Variants in PBX3 observed in about 807,000 individuals in gnomAD.
The protein encoded by PBX3 is PBX homeobox 3, also known as pre-B-cell leukemia transcription factor 3.
Under a neutral mutation model 48.5 loss-of-function variants are expected in PBX3, and 14 were observed. The ratio of observed to expected loss-of-function variants is 0.29; its 90% CI spans 0.19 to 0.45. The LOEUF (loss-of-function observed/expected upper bound fraction) is 0.45. Ranked by LOEUF, PBX3 falls within the 20% of genes least tolerant of loss-of-function variation. The pLI, the probability that PBX3 is intolerant of heterozygous loss-of-function variation, is 1.00. For synonymous variants in PBX3, 210 were observed against 200.3 expected, an observed-to-expected ratio of 1.05 and a Z score of -0.41; for missense variants, 386 against 546.7, an observed-to-expected ratio of 0.71 and a Z score of 2.93.
At chr9:125,905,123 A>G (rs2132435038) in intron 2 of PBX3, among the ~76,000 whole-genome samples, 1 of 152,118 alleles carries the variant, frequency 6.6e-6, no homozygotes, top group Admixed American at 6.6e-5. Flanking sequence ...TCTTTTCATA[A>G]CTAAGCAACA....
intron 5 of PBX3, among the ~76,000 whole-genome samples, chr9:125,955,429 A>G (rs976314894): frequency 1.3e-5 from 2 of 152,184 alleles, no homozygotes; most frequent in South Asian, 2.1e-4. Context: ...TTTTCTGTAG[A>G]ATAGGTTTCT....
chr9:125,896,886 C>A (rs550492320), intron 2 of PBX3, among the ~76,000 whole-genome samples: 2 of 151,950 alleles, frequency 1.3e-5, no homozygotes, highest in African/African-American at 4.8e-5. Flanking sequence ...ATATCCCCAG[C>A]TATAATTAAA....
intron 2 of PBX3, among the ~76,000 whole-genome samples, chr9:125,810,129 A>G (rs546445302): frequency 6.6e-6 from 1 of 152,174 alleles, no homozygotes; most frequent in African/African-American, 2.4e-5. Flanking sequence ...CATCTCAAAC[A>G]TCTATTAGCT....
At chr9:125,795,416 C>T (rs1416310301) in intron 2 of PBX3, among the ~76,000 whole-genome samples, 1 of 152,110 alleles carries the variant, frequency 6.6e-6, no homozygotes, top group Non-Finnish European at 1.5e-5. Context: ...AGAGGTTCTA[C>T]CAATTCTTTT....
chr9:125,902,925 T>G (rs1588279472), intron 2 of PBX3, among the ~76,000 whole-genome samples: 1 of 151,908 alleles, frequency 6.6e-6, no homozygotes, highest in South Asian at 2.1e-4. Context: ...TAAATTATGC[T>G]TTTTATTATT....
intron 2 of PBX3, among the ~76,000 whole-genome samples, chr9:125,897,190 T>G (rs1290830491): frequency 1.4e-5 from 2 of 142,690 alleles, no homozygotes; most frequent in African/African-American, 5.1e-5. Context: ...TTCATTCGCA[T>G]TAGAATTTTT....
At chr9:125,831,840 A>T (rs978426267) in intron 2 of PBX3, among the ~76,000 whole-genome samples, 2 of 152,058 alleles carry the variant, frequency 1.3e-5, no homozygotes, top group South Asian at 2.1e-4. Context: ...TTAGCTTCTT[A>T]CTTTCTGGCC....
At chr9:125,933,167 C>T (rs1841757603) in intron 4 of PBX3, among the ~76,000 whole-genome samples, 1 of 152,248 alleles carries the variant, frequency 6.6e-6, no homozygotes, top group African/African-American at 2.4e-5. Flanking sequence ...TCCCAGCAAG[C>T]CCTCTGCACT....
At chr9:125,775,728 C>G (rs189470939) in intron 2 of PBX3, among the ~76,000 whole-genome samples, 14 of 152,164 alleles carry the variant, frequency 9.2e-5, no homozygotes, top group African/African-American at 3.4e-4. Flanking sequence ...AGTTGAGGCC[C>G]CTTGCAATTC....
rs528701124 is a variant in PBX3 at position 125,933,813 on chromosome 9, A to G, written c.708-1659A>G. On this transcript the variant is annotated intron_variant, in intron 4 of 8. Transcript: ENST00000373489. ...AGCAGGTAATTACTGTGTGGTCTCA[A>G]TAAATAATGTCTATGGGCCAGATAA... is the stretch of plus-strand genomic sequence containing the variant. 3.3e-5 allele frequency among the ~76,000 whole-genome samples: 5 copies of G among 152,332 alleles called. No homozygotes were observed. The East Asian group carries it at 9.6e-4, about 29-fold the overall frequency.
At chr9:125,767,255 G>A (rs1482610732) in intron 2 of PBX3, among the ~76,000 whole-genome samples, 3 of 152,184 alleles carry the variant, frequency 2.0e-5, no homozygotes, top group Admixed American at 6.5e-5. Flanking sequence ...TAAGTGGTGA[G>A]TTAGGCTGAT....
chr9:125,920,176 G>A (rs1841427022), intron 3 of PBX3, among the ~76,000 whole-genome samples: 1 of 152,122 alleles, frequency 6.6e-6, no homozygotes, highest in African/African-American at 2.4e-5. Context: ...TCCAAAACTT[G>A]CGGCAAACTG....
At chr9:125,813,488 G>A (rs548955082) in intron 2 of PBX3, among the ~76,000 whole-genome samples, 6 of 152,226 alleles carry the variant, frequency 3.9e-5, no homozygotes, top group Admixed American at 2.6e-4. Context: ...TCATTTAAAC[G>A]CATCAAGATA....
At chr9:125,783,262 C>T (rs1427725771) in intron 2 of PBX3, among the ~76,000 whole-genome samples, 1 of 151,966 alleles carries the variant, frequency 6.6e-6, no homozygotes. Context: ...GCATGATATT[C>T]TCTTAGGCTC....
intron 2 of PBX3, among the ~76,000 whole-genome samples, chr9:125,838,337 G>T (rs972114744): frequency 2.0e-5 from 3 of 152,226 alleles, no homozygotes; most frequent in African/African-American, 7.2e-5. Context: ...GTGATGAGCC[G>T]CTGCACCTGG....
chr9:125,870,026 C>G (rs1004006789), intron 2 of PBX3, among the ~76,000 whole-genome samples: 1 of 137,970 alleles, frequency 7.2e-6, no homozygotes, highest in Admixed American at 7.3e-5. Context: ...AAAGGCACAT[C>G]TTTTTTTTTT....
At chr9:125,946,458 G>T (rs1842065676) in intron 5 of PBX3, among the ~76,000 whole-genome samples, 5 of 152,110 alleles carry the variant, frequency 3.3e-5, no homozygotes, top group Non-Finnish European at 7.4e-5. Context: ...ATCTGATATG[G>T]ACTATAAAAT....
At position 125,929,753 on chromosome 9, in the gene PBX3, C is replaced by A; in HGVS notation, c.615C>A (p.Ile205=). The change falls in exon 4 of 9, where the codon ATC becomes ATA. Residue 205 remains isoleucine (I), a synonymous_variant. Transcript: ENST00000373489. ...AAGAGATTGAAAGAATGGTGGGCAT[C>A]ATCCATCGAAAATTTAGTTCCATTC... The part of the protein sequence containing the change: ...SPKEIERMVG[I]IHRKFSSIQM... 1 of 1,613,570 alleles carries A rather than the reference C, an allele frequency of 6.2e-7. No homozygotes were observed. The highest frequency in any genetic ancestry group is 8.5e-7 in the Non-Finnish European group (1 of 1,179,550).
At chr9:125,926,086 A>G (rs1486863798) in intron 3 of PBX3, among the ~76,000 whole-genome samples, 1 of 152,254 alleles carries the variant, frequency 6.6e-6, no homozygotes, top group Non-Finnish European at 1.5e-5. Flanking sequence ...TGATGAGAAA[A>G]CTGAAGGGTA....
Sources: gnomAD v4.1 joint callset for allele counts (sites outside exome capture counted in the v4.1 genomes callset) on GRCh38, gnomAD v4.1.1 for gene constraint, MANE v1.5 for transcripts, NCBI Gene and HGNC (gene_info 2026-07-23, HGNC 2026-07-21) for gene names.